Variants in TSGA10 observed in about 807,000 individuals in gnomAD.
TSGA10 encodes the protein testis specific 10.
TSGA10 carries 43 observed loss-of-function variants against 96.6 expected under a neutral mutation model. The observed-to-expected ratio is 0.44, with a 90% confidence interval of 0.35 to 0.57. The LOEUF (loss-of-function observed/expected upper bound fraction) is 0.57. Ranked by LOEUF, TSGA10 falls within the 20% of genes least tolerant of loss-of-function variation. TSGA10 has a pLI of 0.01. For missense variants in TSGA10, 703 were observed against 834.4 expected (o/e 0.84, Z 1.94); for synonymous variants, 229 against 269.9 (o/e 0.85, Z 1.48).
At chr2:99,045,679 C>A (rs1487410249) in intron 16 of TSGA10, among the ~76,000 whole-genome samples, 1 of 152,120 alleles carries the variant, frequency 6.6e-6, no homozygotes, top group African/African-American at 2.4e-5. Flanking sequence ...CATCAACTAA[C>A]GAGCAAAATA....
At chr2:99,090,815 G>A (rs2089235227) in intron 10 of TSGA10, among the ~76,000 whole-genome samples, 1 of 152,168 alleles carries the variant, frequency 6.6e-6, no homozygotes, top group Non-Finnish European at 1.5e-5. Flanking sequence ...GCATCCTGCG[G>A]AAGAAGAGAA....
intron 14 of TSGA10, among the ~76,000 whole-genome samples, chr2:99,069,294 T>C (rs1004392998): frequency 1.3e-5 from 2 of 152,094 alleles, no homozygotes; most frequent in Non-Finnish European, 2.9e-5. Context: ...TAATAAAGAT[T>C]TAAAGCTATT....
intron 1 of TSGA10, among the ~76,000 whole-genome samples, chr2:99,148,907 T>C (rs1281450164): frequency 1.3e-5 from 2 of 152,140 alleles, no homozygotes; most frequent in Admixed American, 1.3e-4. Context: ...CTCAATGTCA[T>C]TGAATTGTAC....
intron 16 of TSGA10, among the ~76,000 whole-genome samples, chr2:99,053,810 T>C: frequency 6.6e-6 from 1 of 152,014 alleles, no homozygotes; most frequent in Admixed American, 6.5e-5. Flanking sequence ...ACAATCCCAT[T>C]TATAATAGCA....
chr2:99,052,157 A>T (rs2083458369), intron 16 of TSGA10, among the ~76,000 whole-genome samples: 1 of 151,898 alleles, frequency 6.6e-6, no homozygotes, highest in South Asian at 2.1e-4. Context: ...AATAATAAAG[A>T]CTAGAAAAAA....
intron 1 of TSGA10, among the ~76,000 whole-genome samples, chr2:99,128,994 C>T (rs566084143): frequency 1.2e-4 from 18 of 152,284 alleles, no homozygotes; most frequent in Non-Finnish European, 2.2e-4. Flanking sequence ...GAGATCCTCC[C>T]GCCTAGGTCT....
chr2:99,097,689 A>C (rs2090221494), intron 10 of TSGA10, among the ~76,000 whole-genome samples: 1 of 152,354 alleles, frequency 6.6e-6, no homozygotes, highest in Admixed American at 6.5e-5. Flanking sequence ...AACAGAAAGC[A>C]TACAAGACAT....
rs561803918 is a variant in TSGA10 at position 99,019,647 on chromosome 2, T to C, written c.1817+633A>G. On this transcript the variant is annotated intron_variant, in intron 18 of 20. Coordinates refer to ENST00000393483, the MANE Select transcript of TSGA10 (RefSeq NM_025244.4). ...GAGGCTGGATGAAAAGTGTTACAGA[T>C]GGGACAGGTAAGAACAGGGGTTAAG... Among the ~76,000 whole-genome samples, 235 of 152,242 alleles carry C rather than the reference T, an allele frequency of 1.5e-3. 1 individual carries two copies. Among genetic ancestry groups the C allele is most frequent in the Middle Eastern group, 0.01 (3 of 294 alleles).
At chr2:99,045,666 C>T (rs1351016696) in intron 16 of TSGA10, among the ~76,000 whole-genome samples, 1 of 152,178 alleles carries the variant, frequency 6.6e-6, no homozygotes, top group Non-Finnish European at 1.5e-5. Context: ...TAGGAAGAAA[C>T]TGCATCAACT....
intron 16 of TSGA10, among the ~76,000 whole-genome samples, chr2:99,062,545 G>C (rs538712661): frequency 3.9e-5 from 6 of 152,236 alleles, no homozygotes; most frequent in African/African-American, 1.4e-4. Context: ...AGACCAGCTT[G>C]GGCAATATAG....
intron 20 of TSGA10, among the ~76,000 whole-genome samples, chr2:98,999,044 C>T (rs1362949491): frequency 6.6e-6 from 1 of 151,982 alleles, no homozygotes; most frequent in Non-Finnish European, 1.5e-5. Flanking sequence ...TACAGACATG[C>T]GCCACCACGC....
rs573290418 is a variant in TSGA10, at chr2:99,102,454, A to T, written c.611+1513T>A. On this transcript the variant is annotated intron_variant, in intron 10 of 20. Transcript: ENST00000393483. The stretch of plus-strand genomic sequence containing the variant: ...GAAATGCAACAGCTTTCAGGTGGAC[A>T]GAAATCCTTGGTAGCCCTTGCTCTG... 1.9e-4 allele frequency: 303 copies of T among 1,613,960 alleles called. 1 individual carries two copies. The African/African-American group carries it at 2.7e-3, about 14-fold the overall frequency.
At chr2:99,004,352 C>T (rs545220869) in intron 20 of TSGA10, among the ~76,000 whole-genome samples, 29 of 151,938 alleles carry the variant, frequency 1.9e-4, no homozygotes, top group African/African-American at 4.6e-4. Context: ...GATTCACAGC[C>T]GAATTCTACC....
intron 16 of TSGA10, among the ~76,000 whole-genome samples, chr2:99,037,203 A>G (rs1255988975): frequency 6.6e-6 from 1 of 152,206 alleles, no homozygotes; most frequent in East Asian, 1.9e-4. Flanking sequence ...CATTCTTTTC[A>G]AGCTCACATG....
chr2:99,058,583 T>A (rs1437269559), intron 16 of TSGA10, among the ~76,000 whole-genome samples: 1 of 152,150 alleles, frequency 6.6e-6, no homozygotes, highest in Admixed American at 6.5e-5. Context: ...AACTTCTGGC[T>A]AGACTGATGA....
At chr2:99,071,925 A>G in intron 13 of TSGA10, 51 bp from the exon 14 acceptor site, 1 of 1,497,380 alleles carries the variant, frequency 6.7e-7, no homozygotes, top group South Asian at 1.3e-5. Context: ...ACTGAAACAG[A>G]GCAACAAATT....
At chr2:99,089,510 C>T (rs540680534) in intron 10 of TSGA10, among the ~76,000 whole-genome samples, 1 of 152,128 alleles carries the variant, frequency 6.6e-6, no homozygotes, top group African/African-American at 2.4e-5. Flanking sequence ...TAGCCTGGGG[C>T]AAGTTCTCAG....
chr2:99,123,092 T>C (rs2092662269), intron 2 of TSGA10, among the ~76,000 whole-genome samples: 1 of 152,204 alleles, frequency 6.6e-6, no homozygotes, highest in Non-Finnish European at 1.5e-5. Flanking sequence ...ACTTCCTTCT[T>C]ACCTCCAGTT....
chr2:99,048,928 A>G (rs1371713086), intron 16 of TSGA10, among the ~76,000 whole-genome samples: 2 of 152,224 alleles, frequency 1.3e-5, no homozygotes, highest in East Asian at 3.8e-4. Context: ...AAAGGATATG[A>G]ACAGGCACTT....
Sources: gnomAD v4.1 joint callset for allele counts (sites outside exome capture counted in the v4.1 genomes callset) on GRCh38, gnomAD v4.1.1 for gene constraint, MANE v1.5 for transcripts, NCBI Gene and HGNC (gene_info 2026-07-23, HGNC 2026-07-21) for gene names.